METTL15: variants seen among roughly 807,000 people sequenced by gnomAD.
The protein encoded by METTL15 is methyltransferase 15, mitochondrial 12S rRNA N4-cytidine.
METTL15 carries 34 observed loss-of-function variants against 38.3 expected under a neutral mutation model. The ratio of observed to expected loss-of-function variants is 0.89; its 90% CI spans 0.68 to 1.18. The LOEUF (loss-of-function observed/expected upper bound fraction) is 1.18. Ranked by LOEUF, METTL15 falls within the 50% of genes most tolerant of loss-of-function variation. The probability of loss-of-function intolerance (pLI) is 0.00; values close to 1 mark genes in which losing one functional copy is unlikely to be tolerated. For synonymous variants in METTL15, 162 were observed against 170.9 expected, an observed-to-expected ratio of 0.95 and a Z score of 0.41; for missense variants, 438 against 498.4, an observed-to-expected ratio of 0.88 and a Z score of 1.15.
intron 3 of METTL15, among the ~76,000 whole-genome samples, chr11:28,161,252 AGCT>A (rs1850453536): frequency 5.3e-5 from 8 of 151,818 alleles, no homozygotes; most frequent in African/African-American, 1.9e-4. Flanking sequence ...CCTCCCAAGT[AGCT>A]GGGATTACAG....
intron 5 of METTL15, among the ~76,000 whole-genome samples, chr11:28,406,194 T>A (rs1412151699): frequency 1.3e-5 from 2 of 152,352 alleles, no homozygotes; most frequent in South Asian, 2.1e-4. Context: ...TAAATTACTT[T>A]GGGCAGTATG....
intron 5 of METTL15, among the ~76,000 whole-genome samples, chr11:28,364,968 T>TGA: frequency 6.6e-6 from 1 of 152,354 alleles, no homozygotes; most frequent in South Asian, 2.1e-4. Flanking sequence ...GCTTTTGTGG[T>TGA]GAATCACATT....
At chr11:28,132,939 A>G (rs189110091) in intron 3 of METTL15, among the ~76,000 whole-genome samples, 2 of 152,158 alleles carry the variant, frequency 1.3e-5, no homozygotes, top group African/African-American at 4.8e-5. Flanking sequence ...TTGAGTTTTA[A>G]TTTTTATCTC....
At chr11:28,436,105 C>G (rs1358630302) in intron 6 of METTL15, among the ~76,000 whole-genome samples, 1 of 152,146 alleles carries the variant, frequency 6.6e-6, no homozygotes, top group African/African-American at 2.4e-5. Flanking sequence ...TGCTTAAATC[C>G]TAAAGTTCAT....
chr11:28,233,511 G>GA (rs1374708527), intron 4 of METTL15, among the ~76,000 whole-genome samples: 1 of 151,682 alleles, frequency 6.6e-6, no homozygotes, highest in Non-Finnish European at 1.5e-5. Flanking sequence ...ATACAACACT[G>GA]CATTCAGTTT....
rs143233441 is a variant in METTL15 at position 28,476,183 on chromosome 11, G to A, written c.*425-50295G>A. 2.3e-4 allele frequency among the ~76,000 whole-genome samples: 35 copies of A among 152,286 alleles called. No individual in the cohort carries two copies. In the East Asian group the frequency reaches 5.2e-3, roughly 23 times the overall value. On this transcript the variant is annotated intron_variant and NMD_transcript_variant, in intron 6 of 7. Coordinates refer to the METTL15 transcript ENST00000532947. ...AATATTCCTGGCTTGCAGTCTCAGC[G>A]TGAGAGTATGTGCCAAGCCCAGCCC... is the stretch of plus-strand genomic sequence containing the variant.
intron 4 of METTL15, among the ~76,000 whole-genome samples, chr11:28,241,343 C>A (rs992627826): frequency 8.6e-5 from 13 of 151,830 alleles, no homozygotes; most frequent in Non-Finnish European, 1.8e-4. Context: ...ACCATCCTGG[C>A]TAATAAGGTG....
chr11:28,331,449 A>T lies in METTL15; in HGVS notation c.*608A>T, dbSNP rs1040339118. 14 of 152,056 alleles carry T rather than the reference A, an allele frequency of 9.2e-5. No homozygotes were observed. The highest frequency in any genetic ancestry group is 3.4e-4 in the African/African-American group (14 of 41,440). The allele number at this position is 152,056 out of a possible 1,614,324, so 9.4% of individuals were successfully genotyped here. On this transcript the variant is annotated 3_prime_UTR_variant, in exon 7 of 7. Coordinates refer to ENST00000407364, the MANE Select transcript of METTL15 (RefSeq NM_001113528.2). Reference sequence around the variant, plus strand: ...CAGTATGATATGGGCCATTTTGTTCATCTATCGCAAAGTAAAAATGTAAAA... The same window carrying T: ...CAGTATGATATGGGCCATTTTGTTCTTCTATCGCAAAGTAAAAATGTAAAA...
intron 4 of METTL15, among the ~76,000 whole-genome samples, chr11:28,232,782 A>G (rs933158932): frequency 6.6e-6 from 1 of 151,986 alleles, no homozygotes; most frequent in African/African-American, 2.4e-5. Context: ...TGTAAGAGAT[A>G]TTGCTGCTGA....
At chr11:28,159,084 G>T (rs1436470632) in intron 3 of METTL15, among the ~76,000 whole-genome samples, 8 of 152,048 alleles carry the variant, frequency 5.3e-5, no homozygotes, top group East Asian at 1.9e-4. Flanking sequence ...TGGCACAGAG[G>T]TCTTAGTTCT....
At chr11:28,295,932 C>G (rs2134000123) in intron 5 of METTL15, among the ~76,000 whole-genome samples, 1 of 152,218 alleles carries the variant, frequency 6.6e-6, no homozygotes, top group Middle Eastern at 3.4e-3. Context: ...AGCTATTTTT[C>G]TAATACGTAA....
At chr11:28,514,842 T>G (rs1475495539) in intron 6 of METTL15, among the ~76,000 whole-genome samples, 2 of 152,202 alleles carry the variant, frequency 1.3e-5, no homozygotes, top group African/African-American at 4.8e-5. Flanking sequence ...CAAGAACATC[T>G]AATGAACATT....
At chr11:28,172,977 T>A (rs16917800) in intron 3 of METTL15, among the ~76,000 whole-genome samples, 43 of 152,298 alleles carry the variant, frequency 2.8e-4, no homozygotes, top group Non-Finnish European at 4.1e-4. Context: ...TTGGGACAAC[T>A]GATTTCAATA....
At chr11:28,407,642 A>C (rs1261144393) in intron 5 of METTL15, among the ~76,000 whole-genome samples, 3 of 152,150 alleles carry the variant, frequency 2.0e-5, no homozygotes, top group Non-Finnish European at 4.4e-5. Flanking sequence ...CGATTATTAA[A>C]AAGTAAAGAA....
rs1852278191 is a variant in METTL15 at position 28,122,323 on chromosome 11, A to ATT, written c.270+8720_270+8721insTT. 1.2e-5 allele frequency: 3 copies of ATT among 245,638 alleles called. No individual in the cohort carries two copies. The Admixed American group carries it at 1.9e-4, about 16-fold the overall frequency. The allele number at this position is 245,638 out of a possible 1,614,324, so 15.2% of individuals were successfully genotyped here. A position where few individuals can be genotyped will look rare whatever the true frequency, so the allele number is the denominator to read the frequency against. On this transcript the variant is annotated intron_variant, in intron 3 of 6. Coordinates refer to ENST00000407364, the MANE Select transcript of METTL15 (RefSeq NM_001113528.2). The stretch of plus-strand genomic sequence containing the variant: ...TATCTCTTCAAATCCTAGTATATAG[A>ATT]TGTGTGTATATGTGTGTGTGTGTGT...
At chr11:28,526,313 G>A (rs1272011293) in intron 6 of METTL15, among the ~76,000 whole-genome samples, 1 of 152,228 alleles carries the variant, frequency 6.6e-6, no homozygotes, top group East Asian at 1.9e-4. Context: ...GAGTGAGCGA[G>A]GGCTGCGAGG....
At chr11:28,441,393 T>A (rs1465102791) in intron 6 of METTL15, among the ~76,000 whole-genome samples, 1 of 152,148 alleles carries the variant, frequency 6.6e-6, no homozygotes, top group Non-Finnish European at 1.5e-5. Flanking sequence ...TATGACAACA[T>A]TGAATGGAAT....
At chr11:28,525,403 G>C (rs1851801823) in intron 6 of METTL15, among the ~76,000 whole-genome samples, 1 of 152,126 alleles carries the variant, frequency 6.6e-6, no homozygotes, top group South Asian at 2.1e-4. Context: ...TAGATACACA[G>C]TGCTAATTGA....
chr11:28,426,314 G>T (rs1850863703), intron 6 of METTL15, among the ~76,000 whole-genome samples: 1 of 152,204 alleles, frequency 6.6e-6, no homozygotes, highest in African/African-American at 2.4e-5. Context: ...TTGTATATGT[G>T]CCACATTTTC....
Sources: gnomAD v4.1 joint callset for allele counts (sites outside exome capture counted in the v4.1 genomes callset) on GRCh38, gnomAD v4.1.1 for gene constraint, MANE v1.5 for transcripts, NCBI Gene and HGNC (gene_info 2026-07-23, HGNC 2026-07-21) for gene names.